Variants in CNNM4 observed in about 807,000 individuals in gnomAD.
CNNM4 encodes the protein metal transporter CNNM4.
A neutral mutation model predicts 53.7 loss-of-function variants in CNNM4; 32 were observed. That is an observed-to-expected ratio of 0.60 (90% CI 0.45 to 0.80). The LOEUF (loss-of-function observed/expected upper bound fraction) is 0.80, where lower values mean the gene tolerates loss of function less well. CNNM4 is among the 30% of genes least tolerant of loss of function. The pLI, the probability that CNNM4 is intolerant of heterozygous loss-of-function variation, is 0.00. For synonymous variants in CNNM4, 410 were observed against 440.0 expected (o/e 0.93, Z 0.85); for missense variants, 784 against 1,022.0 (o/e 0.77, Z 3.17).
chr2:96,805,862 C>T (rs1381523335), intron 5 of CNNM4, among the ~76,000 whole-genome samples: 9 of 151,178 alleles, frequency 6.0e-5, no homozygotes, highest in Admixed American at 5.3e-4. Flanking sequence ...CACACAGACA[C>T]GGCAACCATC....
intron 1 of CNNM4, among the ~76,000 whole-genome samples, chr2:96,777,149 T>C (rs1453303143): frequency 6.6e-6 from 1 of 152,024 alleles, no homozygotes; most frequent in Non-Finnish European, 1.5e-5. Flanking sequence ...GCCTCCCGAG[T>C]AGCTGGGACT....
intron 1 of CNNM4, among the ~76,000 whole-genome samples, chr2:96,772,947 G>A (rs1035185204): frequency 6.6e-6 from 1 of 150,998 alleles, no homozygotes; most frequent in Non-Finnish European, 1.5e-5. Context: ...AAAGGCACAG[G>A]CAGGTGCTCT....
At chr2:96,806,719 A>G (rs768912713) in intron 5 of CNNM4, among the ~76,000 whole-genome samples, 1 of 152,202 alleles carries the variant, frequency 6.6e-6, no homozygotes, top group Non-Finnish European at 1.5e-5. Context: ...ATGTCTTCAC[A>G]ATTAACTTCT....
intron 5 of CNNM4, among the ~76,000 whole-genome samples, chr2:96,805,602 C>T (rs1574086302): frequency 8.3e-6 from 1 of 120,942 alleles, no homozygotes; most frequent in Non-Finnish European, 1.7e-5. Flanking sequence ...CGGCCTTCCG[C>T]AGTGTTTGTG....
chr2:96,779,482 C>G (rs1311189452), intron 1 of CNNM4, among the ~76,000 whole-genome samples: 1 of 140,602 alleles, frequency 7.1e-6, no homozygotes, highest in Non-Finnish European at 1.5e-5. Context: ...GCCCTCCAGC[C>G]TGGGTGACAG....
In CNNM4 at chr2:96,797,513, C is replaced by T. The variant is rs1558993257; in HGVS notation, c.1547C>T (p.Thr516Ile). 1 of 1,613,938 alleles carries T rather than the reference C, an allele frequency of 6.2e-7. No homozygotes were observed. Among genetic ancestry groups the T allele is most frequent in the Non-Finnish European group, 8.5e-7 (1 of 1,180,044 alleles). ...CAATTCCACGCTCTTCTTCCGGCAG[C>T]TGACAACCGAAGCCGGAAGCGGGTG... ...SEILDESDMY[T>I]DNRSRKRVSE... Residue 516 changes from threonine to isoleucine, a missense_variant and splice_region_variant, in exon 3 of 7, where the codon ACT becomes ATT. By Grantham distance (89) the Thr-to-Ile change is moderately conservative (BLOSUM62 -1). Coordinates refer to ENST00000377075, the MANE Select transcript of CNNM4 (RefSeq NM_020184.4). The surrounding 1 kb of genome is among the most constrained non-coding windows in gnomAD (Gnocchi z 6.0).
intron 5 of CNNM4, among the ~76,000 whole-genome samples, chr2:96,807,939 A>G (rs1040626689): frequency 2.0e-5 from 3 of 151,704 alleles, no homozygotes; most frequent in Non-Finnish European, 4.4e-5. Context: ...CCCAAGCTGG[A>G]GTGCAGTGGT....
At chr2:96,782,390 C>T (rs11889085) in intron 1 of CNNM4, among the ~76,000 whole-genome samples, 21,778 of 146,012 alleles carry the variant, frequency 0.15, 2,508 homozygotes, top group African/African-American at 0.33. Context: ...CTAGCCTGGG[C>T]GACAGAGTGA....
chr2:96,797,651 G>C lies in CNNM4; in HGVS notation c.1681+4G>C, dbSNP rs781294642. ...GCTCATCGCTTCCTAGCCACAGGTAGCATGAGGAGGACCTTCCGGTCTTGG... is the reference window on the plus strand; with the variant it reads ...GCTCATCGCTTCCTAGCCACAGGTACCATGAGGAGGACCTTCCGGTCTTGG... On this transcript the variant is annotated splice_donor_region_variant and intron_variant, in intron 3 of 6. Transcript: ENST00000377075. This position sits in a 1 kb window ranked among gnomAD's most constrained non-coding sequence, Gnocchi z 6.0. 13 of 1,613,836 alleles carry C rather than the reference G, an allele frequency of 8.1e-6. No individual in the cohort carries two copies. The Admixed American group carries it at 1.7e-4, about 21-fold the overall frequency.
In CNNM4 at chr2:96,808,446, G is replaced by C; in HGVS notation, c.1949-115G>C. The stretch of plus-strand genomic sequence containing the variant: ...CATGCTTCTGTTTGTCCCTAAGAAT[G>C]ACTTCCTGTTCCTGGGTGGGGTGTC... On this transcript the variant is annotated intron_variant, in intron 5 of 6. Transcript: ENST00000377075. This position sits in a 1 kb window ranked among gnomAD's most constrained non-coding sequence, Gnocchi z 4.9. 9.8e-7 allele frequency: 1 copy of C among 1,015,236 alleles called. No individual in the cohort carries two copies. Among genetic ancestry groups the C allele is most frequent in the Non-Finnish European group, 1.5e-6 (1 of 656,994 alleles). 62.9% of individuals were successfully genotyped at this position (1,015,236 alleles called of 1,614,324 possible).
rs962101784 is a variant in CNNM4 at position 96,774,378 on chromosome 2, C to T, written c.1402+11977C>T. Among the ~76,000 whole-genome samples the T allele has an allele frequency of 1.1e-4, 16 of 152,174 alleles. No homozygotes were observed. The South Asian group carries it at 1.7e-3, about 16-fold the overall frequency. On this transcript the variant is annotated intron_variant, in intron 1 of 6. Coordinates refer to ENST00000377075, the MANE Select transcript of CNNM4 (RefSeq NM_020184.4). ...TACATGAGCTATGATTGCACCACTGCGCTTCAGCCTGGGTGGCAGAGCGAG... is the reference window on the plus strand; with the variant it reads ...TACATGAGCTATGATTGCACCACTGTGCTTCAGCCTGGGTGGCAGAGCGAG...
At chr2:96,786,553 C>T (rs998184824) in intron 1 of CNNM4, among the ~76,000 whole-genome samples, 2 of 151,608 alleles carry the variant, frequency 1.3e-5, no homozygotes, top group Non-Finnish European at 2.9e-5. Context: ...CCCAGGTGGG[C>T]AGATCACTTG....
intron 5 of CNNM4, among the ~76,000 whole-genome samples, chr2:96,806,535 A>G (rs12052950): frequency 0.1 from 12,463 of 123,272 alleles, 701 homozygotes; most frequent in Admixed American, 0.19. Context: ...ACACACACAC[A>G]CGCGCGCGCG....
intron 5 of CNNM4, among the ~76,000 whole-genome samples, chr2:96,803,207 T>A (rs988717919): frequency 2.0e-5 from 3 of 152,114 alleles, no homozygotes; most frequent in African/African-American, 4.8e-5. Context: ...CTTGCTCTGG[T>A]TTCATGGATG....
intron 1 of CNNM4, among the ~76,000 whole-genome samples, chr2:96,769,128 G>A (rs1036785848): frequency 2.0e-5 from 3 of 152,166 alleles, no homozygotes; most frequent in Non-Finnish European, 2.9e-5. Context: ...GTGGGCGCCT[G>A]TAGTCCCAGC....
intron 1 of CNNM4, among the ~76,000 whole-genome samples, chr2:96,778,777 A>G (rs1489040301): frequency 6.6e-6 from 1 of 151,926 alleles, no homozygotes; most frequent in Non-Finnish European, 1.5e-5. Flanking sequence ...TTTATCAGAC[A>G]TATGTATTGC....
At chr2:96,762,448 C>CT in intron 1 of CNNM4, 47 bp downstream of exon 1, 2 of 1,547,312 alleles carry the variant, frequency 1.3e-6, no homozygotes, top group East Asian at 4.5e-5. Context: ...CTTGACGCCT[C>CT]TTTTCCCCTG....
At chr2:96,787,808 T>C (rs910460167) in intron 1 of CNNM4, among the ~76,000 whole-genome samples, 2 of 152,174 alleles carry the variant, frequency 1.3e-5, no homozygotes. Context: ...TGCAGTGAGC[T>C]GTGATTGTGC....
intron 1 of CNNM4, among the ~76,000 whole-genome samples, chr2:96,791,588 C>CAA (rs56887981): frequency 8.3e-6 from 1 of 120,094 alleles, no homozygotes; most frequent in African/African-American, 3.1e-5. Context: ...GACTCCGTCT[C>CAA]AAAAAAAAAA....
Sources: allele counts gnomAD v4.1 joint callset (sites outside exome capture counted in the v4.1 genomes callset), GRCh38; gene constraint gnomAD v4.1.1; non-coding constraint Gnocchi (gnomAD v3.1); transcripts MANE v1.5; gene names NCBI Gene and HGNC (gene_info 2026-07-23, HGNC 2026-07-21).